SCAF11: variants seen among roughly 807,000 people sequenced by gnomAD.
SCAF11 encodes protein SCAF11.
A neutral mutation model predicts 140.5 loss-of-function variants in SCAF11; 47 were observed. That is an observed-to-expected ratio of 0.33 (90% CI 0.26 to 0.43). The LOEUF (loss-of-function observed/expected upper bound fraction) is 0.43. Among genes scored for constraint, SCAF11 ranks in the 20% least tolerant of loss-of-function variants. The pLI, the probability that SCAF11 is intolerant of heterozygous loss-of-function variation, is 1.00. For missense variants in SCAF11, 1,645 were observed against 1,705.1 expected (o/e 0.96, Z 0.62); for synonymous variants, 557 against 579.4 (o/e 0.96, Z 0.55).
At chr12:45,951,526 A>G (rs528625515) in intron 4 of SCAF11, 124 bp downstream of exon 4, 2 of 584,030 alleles carry the variant, frequency 3.4e-6, no homozygotes, top group African/African-American at 1.9e-5. Flanking sequence ...CATGCTAAGG[A>G]GGATTAAAAT....
chr12:45,928,963 CTAAA>C (rs932337134), intron 10 of SCAF11, 104 bp from the exon 11 acceptor site: 6 of 577,722 alleles, frequency 1.0e-5, no homozygotes, highest in East Asian at 9.6e-5. Context: ...CAGAGTGAAA[CTAAA>C]TACTTATAAA....
Position 45,948,446 on chromosome 12 carries a change from C to T in SCAF11, c.389G>A (p.Ser130Asn). Reference sequence around the variant, plus strand: ...AAAGTTAATCACTAACCTTATACAGCTTTTAGAATTTTCATGACAGGAGAC... The same window carrying T: ...AAAGTTAATCACTAACCTTATACAGTTTTTAGAATTTTCATGACAGGAGAC... Reference protein sequence around the residue: ...KQVSCHENSKSCIRRKAIVRE... With the variant: ...KQVSCHENSKNCIRRKAIVRE... The change falls in exon 5 of 15, where the codon AGC becomes AAC. Residue 130 changes from serine to asparagine, a missense_variant. Physicochemically the swap from Ser to Asn is conservative, Grantham distance 46 (BLOSUM62 1). Coordinates refer to ENST00000369367, the MANE Select transcript of SCAF11 (RefSeq NM_004719.3). The T allele has an allele frequency of 6.2e-7, 1 of 1,605,252 alleles. No individual in the cohort carries two copies. The highest frequency in any genetic ancestry group is 1.3e-5 in the African/African-American group (1 of 74,722).
chr12:45,949,337 A>C (rs940187588), intron 4 of SCAF11, among the ~76,000 whole-genome samples: 1 of 152,206 alleles, frequency 6.6e-6, no homozygotes, highest in African/African-American at 2.4e-5. Context: ...TCAAAGACTT[A>C]GTATAATTTT....
At chr12:45,969,566 A>C (rs1395587465) in intron 1 of SCAF11, among the ~76,000 whole-genome samples, 2 of 152,252 alleles carry the variant, frequency 1.3e-5, no homozygotes, top group Non-Finnish European at 2.9e-5. Flanking sequence ...GCTGTTATCA[A>C]GATCATTATT....
chr12:45,947,553 C>T (rs915341962), intron 5 of SCAF11, among the ~76,000 whole-genome samples: 6 of 152,156 alleles, frequency 3.9e-5, no homozygotes, highest in Admixed American at 6.5e-5. Context: ...TTAGGTATTC[C>T]GTACTTTTTG....
intron 3 of SCAF11, 103 bp from the exon 4 acceptor site, chr12:45,951,830 C>T (rs1042379487): frequency 1.7e-5 from 12 of 715,560 alleles, no homozygotes; most frequent in African/African-American, 7.3e-5. Flanking sequence ...TCTCTATCTT[C>T]GAAAGAAAAA....
intron 1 of SCAF11, chr12:45,974,058 A>C: frequency 2.6e-6 from 1 of 392,076 alleles, no homozygotes; most frequent in South Asian, 2.0e-5. Flanking sequence ...CGGAGTAATA[A>C]AACAATATTG....
intron 3 of SCAF11, among the ~76,000 whole-genome samples, chr12:45,956,493 T>C (rs1245643951): frequency 6.6e-6 from 1 of 152,192 alleles, no homozygotes; most frequent in African/African-American, 2.4e-5. Context: ...TCAGCCTACA[T>C]GTTCCCTATC....
Position 45,927,584 on chromosome 12 carries a change from T to C in SCAF11, c.2117A>G (p.Gln706Arg), listed in dbSNP as rs372369606. The C allele has an allele frequency of 1.9e-6, 3 of 1,613,460 alleles. No homozygotes were observed. Among genetic ancestry groups the C allele is most frequent in the Non-Finnish European group, 2.5e-6 (3 of 1,180,014 alleles). The change falls in exon 11 of 15, where the codon CAG becomes CGG. Residue 706 changes from glutamine to arginine, a missense_variant. By Grantham distance (43) the Gln-to-Arg change is conservative (BLOSUM62 1). This residue lies in a region of SCAF11 where 1,582 missense variants were observed against 1,609.2 expected (regional missense o/e 0.98). Coordinates refer to ENST00000369367, the MANE Select transcript of SCAF11 (RefSeq NM_004719.3). The part of the protein sequence containing the change: ...ELPKTHIEQI[Q>R]KHFSEDNNEM... ...ATTGTTGTCCTCACTAAAATGCTTCTGAATCTGTTCAATGTGTGTTTTAGG... is the reference window on the plus strand; with the variant it reads ...ATTGTTGTCCTCACTAAAATGCTTCCGAATCTGTTCAATGTGTGTTTTAGG...
chr12:45,990,921 C>T (rs1022216255), upstream of SCAF11, among the ~76,000 whole-genome samples: 26 of 152,240 alleles, frequency 1.7e-4, no homozygotes, highest in Non-Finnish European at 1.5e-4. Context: ...GCATGCGCAG[C>T]GCGTGGACTT....
At chr12:45,972,081 A>G (rs116410858) in intron 1 of SCAF11, among the ~76,000 whole-genome samples, 167 of 152,322 alleles carry the variant, frequency 1.1e-3, no homozygotes, top group African/African-American at 3.6e-3. Flanking sequence ...TTTAAACCCA[A>G]GCAGCATACC....
At chr12:45,953,993 T>C (rs1003065324) in intron 3 of SCAF11, 16 of 244,830 alleles carry the variant, frequency 6.5e-5, no homozygotes, top group Non-Finnish European at 9.5e-5. Context: ...CATGAGTTCT[T>C]AACAATTTTT....
chr12:45,948,585 A>G (rs1224012999), intron 4 of SCAF11, 48 bp from the exon 5 acceptor site: 1 of 1,177,412 alleles, frequency 8.5e-7, no homozygotes, highest in South Asian at 1.3e-5. Context: ...AGCCTTACAA[A>G]TAACTTTTTA....
rs967954831 is a variant in SCAF11 at position 45,926,979 on chromosome 12, T to C, written c.2722A>G (p.Arg908Gly). 2.5e-6 allele frequency: 4 copies of C among 1,612,948 alleles called. No homozygotes were observed. The South Asian group carries it at 3.3e-5, about 13-fold the overall frequency. Residue 908 changes from arginine to glycine, a missense_variant, in exon 11 of 15, where the codon AGG becomes GGG. Transcript: ENST00000369367. ...CTTTCTCGTTCTCTGCTCTGGGACCTGGATTTTTCTCCTGGGGAAGAATCT... is the reference window on the plus strand; with the variant it reads ...CTTTCTCGTTCTCTGCTCTGGGACCCGGATTTTTCTCCTGGGGAAGAATCT... Reference protein sequence around the residue: ...VKDSSPGEKSRSQSRERESDR... With the variant: ...VKDSSPGEKSGSQSRERESDR...
chr12:45,982,433 A>AC (rs1946368579), intron 1 of SCAF11, among the ~76,000 whole-genome samples: 3 of 152,188 alleles, frequency 2.0e-5, no homozygotes, highest in African/African-American at 7.2e-5. Context: ...GGGGCCGGGT[A>AC]CAGTGGCTCA....
intron 1 of SCAF11, among the ~76,000 whole-genome samples, chr12:45,972,776 C>A (rs1356620264): frequency 4.1e-5 from 6 of 146,194 alleles, no homozygotes; most frequent in African/African-American, 1.3e-4. Context: ...AAAGAAAACA[C>A]CACCAAGATG....
chr12:45,989,671 A>G (rs1592235184), intron 1 of SCAF11, among the ~76,000 whole-genome samples: 1 of 152,220 alleles, frequency 6.6e-6, no homozygotes, highest in East Asian at 1.9e-4. Context: ...CTAAATTTAT[A>G]TCTCCCGGCC....
intron 9 of SCAF11, among the ~76,000 whole-genome samples, chr12:45,932,008 G>A (rs541017551): frequency 5.3e-5 from 8 of 151,966 alleles, no homozygotes; most frequent in South Asian, 2.1e-4. Flanking sequence ...GACTTTAAGC[G>A]TACATTTGCT....
At chr12:45,963,423 A>G (rs1945869548) in intron 2 of SCAF11, among the ~76,000 whole-genome samples, 2 of 151,962 alleles carry the variant, frequency 1.3e-5, no homozygotes, top group Non-Finnish European at 2.9e-5. Flanking sequence ...ACAGCAAGGG[A>G]AAAAAAATGA....
Sources: gnomAD v4.1 joint callset for allele counts (sites outside exome capture counted in the v4.1 genomes callset) on GRCh38, gnomAD v4.1.1 for gene constraint, gnomAD v4.1.1 regional missense constraint, MANE v1.5 for transcripts, NCBI Gene and HGNC (gene_info 2026-07-23, HGNC 2026-07-21) for gene names.